The following CRYBG1 variants were observed in gnomAD, a reference collection of about 807,000 sequenced individuals.
CRYBG1 encodes the protein beta/gamma crystallin domain-containing protein 1.
A neutral mutation model predicts 189.2 loss-of-function variants in CRYBG1; 139 were observed. That is an observed-to-expected ratio of 0.73 (90% CI 0.64 to 0.85). The LOEUF is 0.85. Among genes scored for constraint, CRYBG1 ranks in the 40% least tolerant of loss-of-function variants. The pLI is 0.00. For synonymous variants in CRYBG1, 1,023 were observed against 1,017.1 expected, an observed-to-expected ratio of 1.01 and a Z score of -0.11; for missense variants, 2,611 against 2,675.8, an observed-to-expected ratio of 0.98 and a Z score of 0.53.
chr6:106,539,054 T>C (rs1337615471), intron 8 of CRYBG1, among the ~76,000 whole-genome samples: 1 of 152,230 alleles, frequency 6.6e-6, no homozygotes, highest in East Asian at 1.9e-4. Flanking sequence ...GAGGATTAGA[T>C]GAAGTTCTCA....
In CRYBG1 at chr6:106,568,554, C is replaced by T. The variant is rs1774962347; in HGVS notation, c.6384C>T (p.Val2128=). 2.5e-6 allele frequency: 4 copies of T among 1,608,954 alleles called. 1 individual carries two copies. The highest frequency in any genetic ancestry group is 4.5e-5 in the East Asian group (2 of 44,856). The stretch of plus-strand genomic sequence containing the variant: ...TTACACAAGTGTGGGAAGCCATGGT[C>T]CTATATACCTGAACAAAGAAGGAAG... ...EKFTQVWEAM[V]LYT is the part of the protein sequence containing the mutation. The change falls in exon 22 of 22, where the codon GTC becomes GTT. Residue 2128 remains valine (V), a synonymous_variant. Transcript: ENST00000633556.
chr6:106,394,444 T>C (rs1770568140), intron 1 of CRYBG1, among the ~76,000 whole-genome samples: 1 of 152,240 alleles, frequency 6.6e-6, no homozygotes. Context: ...TGCTTTTTCT[T>C]GCACATCTCC....
At chr6:106,518,966 CAT>C (rs141115751) in intron 3 of CRYBG1, among the ~76,000 whole-genome samples, 163 bp from the exon 4 acceptor site, 27,855 of 115,414 alleles carry the variant, frequency 0.24, 2,748 homozygotes, top group Non-Finnish European at 0.3. Context: ...CTTAAAAACA[CAT>C]GTGTGCGCAC....
chr6:106,537,658 G>A (rs2114564816), intron 8 of CRYBG1, among the ~76,000 whole-genome samples: 1 of 152,264 alleles, frequency 6.6e-6, no homozygotes, highest in Non-Finnish European at 1.5e-5. Flanking sequence ...TTTTCACAAA[G>A]TGAATACACA....
At chr6:106,432,884 G>A (rs532161222) in intron 1 of CRYBG1, among the ~76,000 whole-genome samples, 1 of 135,078 alleles carries the variant, frequency 7.4e-6, no homozygotes, top group Non-Finnish European at 1.5e-5. Context: ...CTGTTGCCCA[G>A]GCTGGAGTGC....
At chr6:106,493,944 C>A (rs897721435) in intron 2 of CRYBG1, among the ~76,000 whole-genome samples, 3 of 151,908 alleles carry the variant, frequency 2.0e-5, no homozygotes, top group Non-Finnish European at 4.4e-5. Flanking sequence ...TGCACATATA[C>A]CCTGGAAGTT....
rs1773846448 is a variant in CRYBG1, at chr6:106,530,205, TA to T, written c.4609del (p.Thr1537LeufsTer6). The T allele has an allele frequency of 6.2e-7, 1 of 1,612,740 alleles. No individual in the cohort carries two copies. Among genetic ancestry groups the T allele is most frequent in the East Asian group, 2.2e-5 (1 of 44,822 alleles). On this transcript the variant is annotated frameshift_variant, in exon 8 of 22. Coordinates refer to ENST00000633556, the MANE Select transcript of CRYBG1 (RefSeq NM_001371242.2). LOFTEE classifies it high-confidence loss of function. ...DYRVSHIDLF[T>X]EPEGLGILSS... ...ACAGAGTTAGTCACATTGACTTATT[TA>T]CTGAACCAGAAGGGTTAGGAATCCT...
intron 1 of CRYBG1, among the ~76,000 whole-genome samples, chr6:106,409,969 A>G (rs1236918799): frequency 1.3e-5 from 2 of 152,224 alleles, no homozygotes; most frequent in Non-Finnish European, 2.9e-5. Flanking sequence ...ATGGGCAAAG[A>G]CTTCATGACT....
chr6:106,551,601 C>T (rs1774406212), intron 13 of CRYBG1, among the ~76,000 whole-genome samples: 1 of 152,210 alleles, frequency 6.6e-6, no homozygotes, highest in Non-Finnish European at 1.5e-5. Flanking sequence ...AAACTGCTTT[C>T]CACAGCAGCT....
At chr6:106,566,878 G>GTC (rs1774903982) in intron 21 of CRYBG1, among the ~76,000 whole-genome samples, 1 of 152,132 alleles carries the variant, frequency 6.6e-6, no homozygotes, top group Non-Finnish European at 1.5e-5. Flanking sequence ...TCATGCATCT[G>GTC]TCTTCTAGCT....
At position 106,570,866 on chromosome 6, in the gene CRYBG1, A is replaced by G. The variant is rs971500110; in HGVS notation, c.*2300A>G. 3 of 152,234 alleles carry G rather than the reference A, an allele frequency of 2.0e-5. No homozygotes were observed. Among genetic ancestry groups the G allele is most frequent in the African/African-American group, 4.8e-5 (2 of 41,456 alleles). 9.4% of individuals were successfully genotyped at this position (152,234 alleles called of 1,614,324 possible). On this transcript the variant is annotated 3_prime_UTR_variant, in exon 22 of 22. Coordinates refer to ENST00000633556, the MANE Select transcript of CRYBG1 (RefSeq NM_001371242.2). Reference sequence around the variant, plus strand: ...AACGAGTGTCTAACAGGAATAAACCAAGCAGAAATCTCAAAACAGGTCTAC... The same window carrying G: ...AACGAGTGTCTAACAGGAATAAACCGAGCAGAAATCTCAAAACAGGTCTAC...
chr6:106,552,464 T>G (rs1295000949), intron 15 of CRYBG1: 1 of 211,912 alleles, frequency 4.7e-6, no homozygotes, highest in East Asian at 1.2e-4. Context: ...CTTGTGTCTA[T>G]AAGCTCAGCT....
chr6:106,492,987 C>A (rs1019753589), intron 2 of CRYBG1, among the ~76,000 whole-genome samples: 2 of 144,574 alleles, frequency 1.4e-5, no homozygotes, highest in Admixed American at 6.8e-5. Flanking sequence ...TTTTTTTTTA[C>A]TTTTAGGAGA....
In CRYBG1 at chr6:106,406,331, A is replaced by AAAAAATG. The variant is rs1387742521; in HGVS notation, c.173+45255_173+45261dup. ...AGTGTGAAGACAAGATTAGAGGGAA[A>AAAAAATG]AAAAATGAAAAGAAATGAACAAAGC... is the stretch of plus-strand genomic sequence containing the variant. On this transcript the variant is annotated intron_variant, in intron 1 of 21. Coordinates refer to ENST00000633556, the MANE Select transcript of CRYBG1 (RefSeq NM_001371242.2). Among the ~76,000 whole-genome samples the AAAAAATG allele has an allele frequency of 8.5e-5, 13 of 152,346 alleles. No individual in the cohort carries two copies. In the South Asian group the frequency reaches 2.5e-3, roughly 29 times the overall value.
At chr6:106,561,882 T>C (rs1295159871) in intron 20 of CRYBG1, among the ~76,000 whole-genome samples, 1 of 152,152 alleles carries the variant, frequency 6.6e-6, no homozygotes, top group East Asian at 1.9e-4. Flanking sequence ...CAGAACGGGA[T>C]GAAGGGTAAA....
At chr6:106,393,335 C>G (rs1045562721) in intron 1 of CRYBG1, among the ~76,000 whole-genome samples, 2 of 152,112 alleles carry the variant, frequency 1.3e-5, no homozygotes, top group African/African-American at 4.8e-5. Context: ...AATTAGGGCA[C>G]CTAGCACTGA....
chr6:106,396,950 G>T (rs138535331), intron 1 of CRYBG1, among the ~76,000 whole-genome samples: 3,063 of 152,294 alleles, frequency 0.02, 110 homozygotes, highest in African/African-American at 0.069. Context: ...AAATTGCTGG[G>T]ATTACAGGCA....
rs754932179 is a variant in CRYBG1 at position 106,512,569 on chromosome 6, A to G, written c.1452A>G (p.Pro484=). 4 of 1,607,256 alleles carry G rather than the reference A, an allele frequency of 2.5e-6. No homozygotes were observed. The highest frequency in any genetic ancestry group is 2.5e-6 in the Non-Finnish European group (3 of 1,177,336). The stretch of plus-strand genomic sequence containing the variant: ...GGGGCGTTGCCTCCGCTGCGAGCCC[A>G]GAGTCCAAGCCCAGCCCCGGTACCA... ...LDGGVASAAS[P]ESKPSPGTKG... is the part of the protein sequence containing the mutation. The change falls in exon 3 of 22, where the codon CCA becomes CCG. Residue 484 remains proline (P), a synonymous_variant. Transcript: ENST00000633556.
At chr6:106,374,094 C>T (rs1040785804) in intron 1 of CRYBG1, among the ~76,000 whole-genome samples, 1 of 152,120 alleles carries the variant, frequency 6.6e-6, no homozygotes, top group Non-Finnish European at 1.5e-5. Flanking sequence ...TTTATAGACA[C>T]CTGCTGTATG....
Sources: gnomAD v4.1 joint callset for allele counts (sites outside exome capture counted in the v4.1 genomes callset) on GRCh38, gnomAD v4.1.1 for gene constraint, MANE v1.5 for transcripts, NCBI Gene and HGNC (gene_info 2026-07-23, HGNC 2026-07-21) for gene names.